Variants in AGK observed in about 807,000 individuals in gnomAD.
AGK encodes acylglycerol kinase, also known as acylglycerol kinase, mitochondrial.
Under a neutral mutation model 66.4 loss-of-function variants are expected in AGK, and 52 were observed. The ratio of observed to expected loss-of-function variants is 0.78; its 90% CI spans 0.63 to 0.99. The LOEUF (loss-of-function observed/expected upper bound fraction) is 0.99, where lower values mean the gene tolerates loss of function less well. Ranked by LOEUF, AGK falls within the 50% of genes least tolerant of loss-of-function variation. The probability of loss-of-function intolerance (pLI) is 0.00; values close to 1 mark genes in which losing one functional copy is unlikely to be tolerated. For synonymous variants in AGK, 182 were observed against 181.1 expected (o/e 1.00, Z -0.04); for missense variants, 451 against 506.6 (o/e 0.89, Z 1.05).
intron 9 of AGK, among the ~76,000 whole-genome samples, chr7:141,622,875 G>A (rs1207551112): frequency 3.3e-5 from 5 of 150,962 alleles, no homozygotes; most frequent in African/African-American, 7.3e-5. Context: ...CCAACATGGC[G>A]AAACACCATC....
intron 1 of AGK, among the ~76,000 whole-genome samples, chr7:141,552,163 G>A (rs1011543831): frequency 6.6e-6 from 1 of 152,176 alleles, no homozygotes; most frequent in African/African-American, 2.4e-5. Flanking sequence ...GGAGCCTACA[G>A]ATTATGGCAA....
rs77802620 is a variant in AGK at position 141,561,687 on chromosome 7, C to T, written c.101+6120C>T. The stretch of plus-strand genomic sequence containing the variant: ...CAGTAGGGAACAAGGACCTCTTCTC[C>T]AAGGCCCTATGTGATCACAGAGGCT... On this transcript the variant is annotated intron_variant, in intron 2 of 15. Coordinates refer to ENST00000649286, the MANE Select transcript of AGK (RefSeq NM_018238.4). 1.2e-4 allele frequency among the ~76,000 whole-genome samples: 18 copies of T among 151,926 alleles called. No individual in the cohort carries two copies. The East Asian group carries it at 2.7e-3, about 23-fold the overall frequency.
At chr7:141,577,665 G>A (rs911514768) in intron 2 of AGK, among the ~76,000 whole-genome samples, 3 of 152,196 alleles carry the variant, frequency 2.0e-5, no homozygotes, top group Middle Eastern at 3.4e-3. Context: ...TCTCCTCCCT[G>A]CTGCAAAAGG....
At chr7:141,614,559 T>TA (rs949048480) in intron 7 of AGK, among the ~76,000 whole-genome samples, 7 of 141,612 alleles carry the variant, frequency 4.9e-5, no homozygotes, top group Admixed American at 1.4e-4. Flanking sequence ...AAGTTTTGAA[T>TA]AAAAAAAAAA....
At chr7:141,626,690 A>G (rs1271159481) in intron 9 of AGK, among the ~76,000 whole-genome samples, 1 of 152,204 alleles carries the variant, frequency 6.6e-6, no homozygotes, top group Non-Finnish European at 1.5e-5. Flanking sequence ...GACTCATCAA[A>G]AAATGTCAAT....
intron 13 of AGK, among the ~76,000 whole-genome samples, chr7:141,644,711 A>G (rs1797368929): frequency 1.3e-5 from 2 of 152,174 alleles, no homozygotes; most frequent in African/African-American, 2.4e-5. Context: ...GATTTGCAAC[A>G]TAGTTCCATT....
At position 141,557,066 on chromosome 7, in the gene AGK, C is replaced by G. The variant is rs116036474; in HGVS notation, c.101+1499C>G. The stretch of plus-strand genomic sequence containing the variant: ...TGTAGCAACACTGAAATCCAGATGT[C>G]TTAAATGACTGCTTTGTTGAACAGA... On this transcript the variant is annotated intron_variant, in intron 2 of 15. Transcript: ENST00000649286. Among the ~76,000 whole-genome samples, 1,464 of 152,268 alleles carry G rather than the reference C, an allele frequency of 9.6e-3. 31 individuals carry two copies. The highest frequency in any genetic ancestry group is 0.034 in the African/African-American group (1,405 of 41,554).
chr7:141,615,844 G>C (rs1436125976), intron 8 of AGK: 2 of 347,226 alleles, frequency 5.8e-6, no homozygotes, highest in Non-Finnish European at 1.1e-5. Flanking sequence ...CCGTTTTTGT[G>C]CTTGTACATT....
intron 2 of AGK, among the ~76,000 whole-genome samples, chr7:141,586,753 G>A (rs550501563): frequency 6.6e-6 from 1 of 152,218 alleles, no homozygotes; most frequent in Non-Finnish European, 1.5e-5. Flanking sequence ...AGCATCAAGG[G>A]GGAATGGTGG....
At chr7:141,616,859 C>A (rs958670170) in intron 8 of AGK, among the ~76,000 whole-genome samples, 1 of 151,358 alleles carries the variant, frequency 6.6e-6, no homozygotes, top group Non-Finnish European at 1.5e-5. Flanking sequence ...CCCAGGTTCA[C>A]GCCATTCTCT....
At position 141,602,177 on chromosome 7, in the gene AGK, G is replaced by T. The variant is rs1796362333; in HGVS notation, c.297+897G>T. Among the ~76,000 whole-genome samples, 3 of 147,570 alleles carry T rather than the reference G, an allele frequency of 2.0e-5. No individual in the cohort carries two copies. In the East Asian group the frequency reaches 6.2e-4, roughly 30 times the overall value. ...TTTCCTTGAGGGGAGATTTTCTTGT[G>T]TGTGTGTGTGTGTGTGTGTGTGTGT... is the stretch of plus-strand genomic sequence containing the variant. On this transcript the variant is annotated intron_variant, in intron 5 of 15. Coordinates refer to ENST00000649286, the MANE Select transcript of AGK (RefSeq NM_018238.4).
chr7:141,655,036 T>C lies in AGK; in HGVS notation c.*2112T>C, dbSNP rs186953176. 6.6e-5 allele frequency: 10 copies of C among 152,290 alleles called. 1 individual carries two copies. Among genetic ancestry groups the C allele is most frequent in the Admixed American group, 6.5e-4 (10 of 15,304 alleles). 9.4% of individuals were successfully genotyped at this position (152,290 alleles called of 1,614,324 possible). On this transcript the variant is annotated 3_prime_UTR_variant, in exon 16 of 16. Transcript: ENST00000649286. ...GTATATGAAAACAAAAGTTTTCACCTGAGCTGAGAGCATTTAGCATATCGT... is the reference window on the plus strand; with the variant it reads ...GTATATGAAAACAAAAGTTTTCACCCGAGCTGAGAGCATTTAGCATATCGT...
At chr7:141,617,940 A>T (rs376907077) in intron 8 of AGK, among the ~76,000 whole-genome samples, 1 of 152,222 alleles carries the variant, frequency 6.6e-6, no homozygotes, top group Non-Finnish European at 1.5e-5. Flanking sequence ...TGAAACTCAT[A>T]TTCCAAACTG....
chr7:141,561,286 A>G (rs1795344946), intron 2 of AGK, among the ~76,000 whole-genome samples: 1 of 152,224 alleles, frequency 6.6e-6, no homozygotes, highest in Non-Finnish European at 1.5e-5. Context: ...GTAGATACCC[A>G]GTAGTGGGAT....
intron 2 of AGK, among the ~76,000 whole-genome samples, chr7:141,566,039 T>C (rs1485300047): frequency 6.6e-6 from 1 of 152,254 alleles, no homozygotes; most frequent in Non-Finnish European, 1.5e-5. Flanking sequence ...TTTCCGATCT[T>C]CGGAAGTGAC....
At chr7:141,558,005 G>A (rs962309143) in intron 2 of AGK, among the ~76,000 whole-genome samples, 10 of 151,892 alleles carry the variant, frequency 6.6e-5, no homozygotes, top group African/African-American at 1.5e-4. Flanking sequence ...GCCCATTCCC[G>A]CCCCAACCCA....
intron 13 of AGK, 59 bp downstream of exon 13, chr7:141,641,967 T>C (rs1797302989): frequency 7.5e-7 from 1 of 1,329,210 alleles, no homozygotes. Context: ...ACAATAGCTA[T>C]AGTCCTCTCC....
At chr7:141,635,906 ATTTATAC>A (rs1797158880) in intron 10 of AGK, among the ~76,000 whole-genome samples, 2 of 152,172 alleles carry the variant, frequency 1.3e-5, no homozygotes, top group Admixed American at 1.3e-4. Flanking sequence ...AAGGTGGGAA[ATTTATAC>A]TTTATATTTC....
intron 2 of AGK, among the ~76,000 whole-genome samples, chr7:141,583,033 G>A (rs1303752951): frequency 2.0e-5 from 3 of 151,836 alleles, no homozygotes; most frequent in South Asian, 2.1e-4. Context: ...GGAAGGGACC[G>A]ATGTGTAAAA....
Sources: allele counts gnomAD v4.1 joint callset (sites outside exome capture counted in the v4.1 genomes callset), GRCh38; gene constraint gnomAD v4.1.1; transcripts MANE v1.5; gene names NCBI Gene and HGNC (gene_info 2026-07-23, HGNC 2026-07-21).